The following METTL22 variants were observed in gnomAD, a reference collection of about 807,000 sequenced individuals.
METTL22 encodes methyltransferase 22, Kin17 lysine, also known as methyltransferase-like protein 22.
METTL22 carries 51 observed loss-of-function variants against 48.4 expected under a neutral mutation model. The observed-to-expected ratio is 1.05, with a 90% confidence interval of 0.84 to 1.33. METTL22 has a LOEUF of 1.33. Ranked by LOEUF, METTL22 falls within the 40% of genes most tolerant of loss-of-function variation. The pLI is 0.00. For synonymous variants in METTL22, 255 were observed against 214.1 expected, an observed-to-expected ratio of 1.19 and a Z score of -1.67; for missense variants, 678 against 526.9, an observed-to-expected ratio of 1.29 and a Z score of -2.81.
At chr16:8,641,095 G>A in intron 6 of METTL22, 36 bp from the exon 7 acceptor site, 1 of 1,598,308 alleles carries the variant, frequency 6.3e-7, no homozygotes, top group Non-Finnish European at 8.6e-7. Context: ...ATGATGTTTA[G>A]AGTTTGGAAA....
chr16:8,646,909 C>T lies in METTL22; in HGVS notation c.*766C>T, dbSNP rs1384616944. The T allele has an allele frequency of 8.5e-6, 3 of 353,244 alleles. No homozygotes were observed. Among genetic ancestry groups the T allele is most frequent in the African/African-American group, 6.4e-5 (3 of 46,630 alleles). 21.9% of individuals were successfully genotyped at this position (353,244 alleles called of 1,614,324 possible). ...GGTTTTTTATCTTCTCCATCTGTGC[C>T]TCTCTCCTCCCATCTCCACCCCTTC... is the stretch of plus-strand genomic sequence containing the variant. On this transcript the variant is annotated 3_prime_UTR_variant, in exon 11 of 11. Transcript: ENST00000381920.
At chr16:8,664,771 C>G in the METTL22 span, among the ~76,000 whole-genome samples, 1 of 152,156 alleles carries the variant, frequency 6.6e-6, no homozygotes, top group Admixed American at 6.5e-5. Context: ...CACTCTAAAG[C>G]TCTTTCCCAG....
chr16:8,646,953 C>T lies in METTL22; in HGVS notation c.*810C>T, dbSNP rs565733867. 1.1e-4 allele frequency: 38 copies of T among 344,948 alleles called. No homozygotes were observed. Among genetic ancestry groups the T allele is most frequent in the South Asian group, 8.6e-4 (38 of 44,168 alleles). The allele number at this position is 344,948 out of a possible 1,614,324, so 21.4% of individuals were successfully genotyped here. A position where few individuals can be genotyped will look rare whatever the true frequency, so the allele number is the denominator to read the frequency against. On this transcript the variant is annotated 3_prime_UTR_variant, in exon 11 of 11. Transcript: ENST00000381920. ...CCCCTTCCTGTCATCCTCTATGTCC[C>T]ACTGTCTCTCTCCTTCTCTCCAGTT...
intron 1 of METTL22, chr16:8,623,804 G>A (rs535806681): frequency 6.6e-6 from 1 of 152,188 alleles, no homozygotes; most frequent in Non-Finnish European, 1.5e-5. Flanking sequence ...CTCCAGCAGT[G>A]TACTGGGATC....
intron 1 of METTL22, among the ~76,000 whole-genome samples, chr16:8,622,616 C>T (rs953357071): frequency 6.6e-6 from 1 of 152,196 alleles, no homozygotes; most frequent in East Asian, 1.9e-4. Context: ...TTCTTCCCAG[C>T]ATTCACTTTA....
At chr16:8,637,191 A>C (rs2056449250) in intron 5 of METTL22, among the ~76,000 whole-genome samples, 1 of 152,144 alleles carries the variant, frequency 6.6e-6, no homozygotes, top group Non-Finnish European at 1.5e-5. Context: ...CCTGGCACAG[A>C]CTTTTGTTTC....
rs576514655 is a variant in METTL22 at position 8,642,554 on chromosome 16, G to A, written c.999G>A (p.Ser333=). Residue 333 remains serine (S), a synonymous_variant, in exon 9 of 11, where the codon TCG becomes TCA. Coordinates refer to ENST00000381920, the MANE Select transcript of METTL22 (RefSeq NM_024109.4). ...AAAATGCCTGCACAGCCATACTGTC[G>A]GTGGAGAAGAGGTGAGCTTTGCGCC... ...RLKNACTAIL[S]VEKRLNFTLR... The A allele has an allele frequency of 6.6e-5, 107 of 1,614,178 alleles. No homozygotes were observed. The highest frequency in any genetic ancestry group is 2.9e-4 in the East Asian group (13 of 44,882).
At chr16:8,639,467 T>C (rs1468248172) in intron 6 of METTL22, 7 of 419,808 alleles carry the variant, frequency 1.7e-5, no homozygotes, top group Non-Finnish European at 2.6e-5. Flanking sequence ...GATGTCCTCA[T>C]GAAACATCCA....
At chr16:8,654,237 A>G (rs2056934601), downstream of METTL22, among the ~76,000 whole-genome samples, 1 of 152,234 alleles carries the variant, frequency 6.6e-6, no homozygotes, top group African/African-American at 2.4e-5. Flanking sequence ...GGATAGAGCC[A>G]GGCTTTGAAC....
At chr16:8,656,212 G>C in the METTL22 span, among the ~76,000 whole-genome samples, 1 of 152,156 alleles carries the variant, frequency 6.6e-6, no homozygotes, top group African/African-American at 2.4e-5. Flanking sequence ...CTCCCAAGGA[G>C]CTAGGACTAC....
intron 3 of METTL22, among the ~76,000 whole-genome samples, chr16:8,630,279 T>C (rs1280729948): frequency 6.6e-6 from 1 of 152,178 alleles, no homozygotes; most frequent in Non-Finnish European, 1.5e-5. Flanking sequence ...AACGTGGAAC[T>C]CATACCAGAA....
chr16:8,624,130 G>A (rs960514712), intron 1 of METTL22: 2 of 152,208 alleles, frequency 1.3e-5, no homozygotes, highest in Admixed American at 1.3e-4. Context: ...TGAGAAACCA[G>A]GGATCCCCAC....
At chr16:8,643,271 A>G (rs370705571) in intron 9 of METTL22, among the ~76,000 whole-genome samples, 64 of 152,204 alleles carry the variant, frequency 4.2e-4, no homozygotes, top group African/African-American at 1.5e-3. Flanking sequence ...TACCAATAAT[A>G]CCGAGGGCTT....
intron 2 of METTL22, among the ~76,000 whole-genome samples, chr16:8,627,400 C>T (rs557605338): frequency 6.6e-6 from 1 of 152,062 alleles, no homozygotes; most frequent in Non-Finnish European, 1.5e-5. Context: ...AGATACAAGG[C>T]CAGGGAGAAA....
rs886435796 is a variant in METTL22, at chr16:8,647,581, T to C, written c.*1438T>C. 5.3e-5 allele frequency: 3 copies of C among 56,412 alleles called. No individual in the cohort carries two copies. Among genetic ancestry groups the C allele is most frequent in the Non-Finnish European group, 1.0e-4 (3 of 28,810 alleles). 3.5% of individuals were successfully genotyped at this position (56,412 alleles called of 1,614,324 possible). ...TGAGGCCAGAGATGCTGCTGAACGT[T>C]CTATAATGCGGTAATCACGGAGCAT... is the stretch of plus-strand genomic sequence containing the variant. On this transcript the variant is annotated 3_prime_UTR_variant, in exon 11 of 11. Transcript: ENST00000381920.
intron 3 of METTL22, among the ~76,000 whole-genome samples, chr16:8,632,615 C>A (rs897933531): frequency 5.3e-5 from 8 of 152,198 alleles, no homozygotes; most frequent in African/African-American, 1.9e-4. Context: ...GGGCTGGGGT[C>A]CTTGACCACC....
At chr16:8,626,661 C>A (rs570287936) in intron 2 of METTL22, among the ~76,000 whole-genome samples, 1 of 150,226 alleles carries the variant, frequency 6.7e-6, no homozygotes, top group South Asian at 2.1e-4. Flanking sequence ...GTTGGTCAGG[C>A]TGGTCTTGAA....
intron 10 of METTL22, among the ~76,000 whole-genome samples, chr16:8,645,367 G>A (rs931471411): frequency 1.3e-5 from 2 of 152,308 alleles, no homozygotes; most frequent in African/African-American, 4.8e-5. Flanking sequence ...TTTTGTGTGC[G>A]AGGAGGATCT....
intron 8 of METTL22, 74 bp downstream of exon 8, chr16:8,642,281 C>T: frequency 7.1e-7 from 1 of 1,400,050 alleles, no homozygotes; most frequent in Non-Finnish European, 1.0e-6. Flanking sequence ...TCCTCACTTC[C>T]CCCGGGAGTT....
Sources: allele counts gnomAD v4.1 joint callset (sites outside exome capture counted in the v4.1 genomes callset), GRCh38; gene constraint gnomAD v4.1.1; transcripts MANE v1.5; gene names NCBI Gene and HGNC (gene_info 2026-07-23, HGNC 2026-07-21).